Variants in GAK observed in about 807,000 individuals in gnomAD.
GAK encodes cyclin G associated kinase.
Under a neutral mutation model 143.9 loss-of-function variants are expected in GAK, and 79 were observed. The ratio of observed to expected loss-of-function variants is 0.55; its 90% confidence interval spans 0.46 to 0.66. GAK has a LOEUF of 0.66. Among genes scored for constraint, GAK ranks in the 30% least tolerant of loss-of-function variants. GAK has a pLI of 0.00. For synonymous variants in GAK, 881 were observed against 765.5 expected, an observed-to-expected ratio of 1.15 and a Z score of -2.49; for missense variants, 1,693 against 1,779.7, an observed-to-expected ratio of 0.95 and a Z score of 0.88.
At chr4:852,966 A>G (rs1038986341) in intron 24 of GAK, 1 of 150,828 alleles carries the variant, frequency 6.6e-6, no homozygotes, top group Non-Finnish European at 1.5e-5. Context: ...TCCTCTCAGC[A>G]CCACAGCAAT....
At chr4:859,458 G>T in intron 24 of GAK, 148 bp downstream of exon 24, 1 of 1,597,720 alleles carries the variant, frequency 6.3e-7, no homozygotes, top group Non-Finnish European at 8.5e-7. Flanking sequence ...CAGACACGCT[G>T]TCCCCTTGGG....
chr4:885,299 G>C (rs1482320109), intron 11 of GAK, among the ~76,000 whole-genome samples: 4 of 152,228 alleles, frequency 2.6e-5, no homozygotes, highest in Non-Finnish European at 2.9e-5. Context: ...ATAGGGGCCA[G>C]GTGCGGTGGC....
chr4:909,442 G>A (rs757271732), intron 4 of GAK, among the ~76,000 whole-genome samples: 3 of 152,220 alleles, frequency 2.0e-5, no homozygotes, highest in Non-Finnish European at 4.4e-5. Flanking sequence ...GTATGCGCAC[G>A]GGAAGGGCCG....
chr4:874,981 C>A (rs1305322620), intron 18 of GAK, among the ~76,000 whole-genome samples: 2 of 152,192 alleles, frequency 1.3e-5, no homozygotes, highest in Non-Finnish European at 2.9e-5. Context: ...CTGAAGCCTT[C>A]ATTTCGGCTG....
At position 850,808 on chromosome 4, in the gene GAK, G is replaced by A. The variant is rs911365643; in HGVS notation, c.3657+128C>T. 6 of 1,046,666 alleles carry A rather than the reference G, an allele frequency of 5.7e-6. No homozygotes were observed. The African/African-American group carries it at 8.0e-5, about 14-fold the overall frequency. The allele number at this position is 1,046,666 out of a possible 1,614,324, so 64.8% of individuals were successfully genotyped here. On this transcript the variant is annotated intron_variant, in intron 26 of 27. Transcript: ENST00000314167. ...TGTCTGGAGACGCCGGCTCCATGTG[G>A]TACAGCAGATGCTCCAGGGGTGAAA...
intron 4 of GAK, among the ~76,000 whole-genome samples, chr4:906,529 T>C (rs1036428536): frequency 6.6e-6 from 1 of 152,126 alleles, no homozygotes; most frequent in Non-Finnish European, 1.5e-5. Context: ...AGCACCCCTA[T>C]GCAGCCCCCA....
intron 4 of GAK, among the ~76,000 whole-genome samples, chr4:905,593 C>T (rs983515920): frequency 1.3e-5 from 2 of 150,778 alleles, no homozygotes; most frequent in Non-Finnish European, 3.0e-5. Flanking sequence ...CCCCAGGCCA[C>T]GTTACGGACT....
chr4:883,513 C>T (rs765503212), intron 12 of GAK, 50 bp from the exon 13 acceptor site: 8 of 1,600,532 alleles, frequency 5.0e-6, no homozygotes, highest in Non-Finnish European at 6.8e-6. Flanking sequence ...CACCTCGTGG[C>T]CAGGCTGCTG....
intron 17 of GAK, 115 bp from the exon 18 acceptor site, chr4:876,724 T>C: frequency 1.2e-6 from 1 of 868,190 alleles, no homozygotes; most frequent in Non-Finnish European, 1.9e-6. Context: ...GCTGGAGGCA[T>C]GGACGGCGCC....
intron 1 of GAK, among the ~76,000 whole-genome samples, chr4:931,758 C>T (rs977574619): frequency 2.0e-5 from 3 of 152,110 alleles, no homozygotes; most frequent in Non-Finnish European, 4.4e-5. Context: ...GGCCTTGCTC[C>T]GACTTGACCC....
chr4:858,436 C>G (rs758586650), intron 24 of GAK, among the ~76,000 whole-genome samples: 2 of 152,140 alleles, frequency 1.3e-5, no homozygotes, highest in Non-Finnish European at 2.9e-5. Flanking sequence ...CTCCTTCTGC[C>G]CCAGTGCCGG....
chr4:859,518 C>T (rs769975530), intron 24 of GAK, 88 bp downstream of exon 24: 1 of 1,595,922 alleles, frequency 6.3e-7, no homozygotes, highest in East Asian at 2.3e-5. Flanking sequence ...GCAAAGACTT[C>T]ACTTTGGGCA....
chr4:913,678 A>G lies in GAK; in HGVS notation c.146-10T>C, dbSNP rs1409267260. 1 of 1,609,082 alleles carries G rather than the reference A, an allele frequency of 6.2e-7. No individual in the cohort carries two copies. The highest frequency in any genetic ancestry group is 1.3e-5 in the African/African-American group (1 of 74,916). On this transcript the variant is annotated splice_polypyrimidine_tract_variant and intron_variant, in intron 1 of 27. Coordinates refer to ENST00000314167, the MANE Select transcript of GAK (RefSeq NM_005255.4). Reference sequence around the variant, plus strand: ...ACAAATGCAAACCCTCCTGAAAATTAAAAAGACTTGTCAGTTCAATGCTAT... The same window carrying G: ...ACAAATGCAAACCCTCCTGAAAATTGAAAAGACTTGTCAGTTCAATGCTAT...
intron 26 of GAK, 83 bp from the exon 27 acceptor site, chr4:850,151 G>GACC: frequency 3.7e-6 from 5 of 1,345,192 alleles, no homozygotes; most frequent in Non-Finnish European, 5.0e-6. Context: ...GCACGACGCT[G>GACC]AGGAAGTGCC....
In GAK at chr4:901,637, A is replaced by G. The variant is rs374960448; in HGVS notation, c.525+3000T>C. Reference sequence around the variant, plus strand: ...TCTGGACACAGGCCAGGTAGATTTCAGCAGCTGGAGGAGCAGCTGAGGCGG... The same window carrying G: ...TCTGGACACAGGCCAGGTAGATTTCGGCAGCTGGAGGAGCAGCTGAGGCGG... On this transcript the variant is annotated intron_variant, in intron 5 of 27. Transcript: ENST00000314167. 2.0e-3 allele frequency among the ~76,000 whole-genome samples: 308 copies of G among 152,338 alleles called. 12 individuals are homozygous for G. The South Asian group carries it at 0.06, about 30-fold the overall frequency.
In GAK at chr4:911,732, C is replaced by T. The variant is rs1722078523; in HGVS notation, c.323G>A (p.Gly108Glu). 6.2e-7 allele frequency: 1 copy of T among 1,614,092 alleles called. No individual in the cohort carries two copies. Among genetic ancestry groups the T allele is most frequent in the Non-Finnish European group, 8.5e-7 (1 of 1,179,984 alleles). The change falls in exon 4 of 28, where the codon GGA becomes GAA. Residue 108 changes from glycine to glutamate, a missense_variant. Gly to Glu is a moderately conservative substitution (Grantham distance 98, BLOSUM62 -2). Transcript: ENST00000314167. ...IVQFCSAASI[G>E]KEESDTGQAE... The stretch of plus-strand genomic sequence containing the variant: ...CTGCCCCGTGTCTGACTCCTCTTTT[C>T]CTATAGACGCTGCAGAACAAAACTG...
intron 5 of GAK, among the ~76,000 whole-genome samples, chr4:902,581 G>A (rs1024397241): frequency 5.4e-4 from 38 of 69,794 alleles, no homozygotes; most frequent in African/African-American, 2.9e-3. Flanking sequence ...AGCCTGGGCT[G>A]TAGAGTGACT....
At chr4:883,012 G>C (rs1166625375) in intron 13 of GAK, among the ~76,000 whole-genome samples, 193 bp from the exon 14 acceptor site, 1 of 152,254 alleles carries the variant, frequency 6.6e-6, no homozygotes, top group Admixed American at 6.5e-5. Context: ...GCTGTTCCTG[G>C]GCTTTGGGTC....
At chr4:890,013 C>T (rs1347498615) in intron 10 of GAK, among the ~76,000 whole-genome samples, 2 of 152,198 alleles carry the variant, frequency 1.3e-5, no homozygotes, top group Admixed American at 6.5e-5. Flanking sequence ...TGCCCCCTGG[C>T]CTCAGGGTCG....
Sources: allele counts gnomAD v4.1 joint callset (sites outside exome capture counted in the v4.1 genomes callset), GRCh38; gene constraint gnomAD v4.1.1; transcripts MANE v1.5; gene names NCBI Gene and HGNC (gene_info 2026-07-23, HGNC 2026-07-21).